The following TATDN2 variants were observed in gnomAD, a reference collection of about 807,000 sequenced individuals.
TATDN2 encodes the protein TatD DNase domain containing 2.
TATDN2 carries 44 observed loss-of-function variants against 60.3 expected under a neutral mutation model. That is an observed-to-expected ratio of 0.73 (90% CI 0.57 to 0.94). TATDN2 has a LOEUF of 0.94. TATDN2 is among the 40% of genes least tolerant of loss of function. The pLI, the probability that TATDN2 is intolerant of heterozygous loss-of-function variation, is 0.00. For missense variants in TATDN2, 997 were observed against 948.0 expected (o/e 1.05, Z -0.68); for synonymous variants, 399 against 355.8 (o/e 1.12, Z -1.37).
In TATDN2 at chr3:10,260,405, A is replaced by AAGGACCAGCCAAGACTGC. The variant is rs1698383812; in HGVS notation, c.686_703dup (p.Gly229_Ala234dup). 3 of 1,613,992 alleles carry AAGGACCAGCCAAGACTGC rather than the reference A, an allele frequency of 1.9e-6. No homozygotes were observed. The highest frequency in any genetic ancestry group is 2.5e-6 in the Non-Finnish European group (3 of 1,179,956). ...CATGGAGAAGGACCAGCCAGGAGTG[A>AAGGACCAGCCAAGACTGC]AGGACCAGCCAAGACTGCAGAAGGA... On this transcript the variant is annotated inframe_insertion, in exon 3 of 8. Transcript: ENST00000448281.
chr3:10,269,571 C>T (rs766649355), intron 3 of TATDN2, among the ~76,000 whole-genome samples: 4 of 151,946 alleles, frequency 2.6e-5, no homozygotes, highest in Non-Finnish European at 4.4e-5. Flanking sequence ...TGTGGTGGTG[C>T]GTGCCTGTAG....
At chr3:10,250,436 G>T (rs1698205576) in intron 2 of TATDN2, among the ~76,000 whole-genome samples, 1 of 152,008 alleles carries the variant, frequency 6.6e-6, no homozygotes, top group African/African-American at 2.4e-5. Context: ...GAAGGTCTGA[G>T]TCTTAAGAAG....
At chr3:10,267,656 ATTG>A (rs1559462794) in intron 3 of TATDN2, among the ~76,000 whole-genome samples, 1 of 152,170 alleles carries the variant, frequency 6.6e-6, no homozygotes, top group African/African-American at 2.4e-5. Context: ...GAATCTGTGT[ATTG>A]TTCTTGGAAA....
intron 2 of TATDN2, among the ~76,000 whole-genome samples, chr3:10,250,168 GT>G (rs34201858): frequency 0.49 from 68,259 of 138,006 alleles, 17,405 homozygotes; most frequent in East Asian, 0.93. Context: ...GGTGGTGCTA[GT>G]TTTTTTTTTT....
chr3:10,273,514 T>C lies in TATDN2; in HGVS notation c.1833+2499T>C, dbSNP rs142142654. Among the ~76,000 whole-genome samples, 66 of 151,846 alleles carry C rather than the reference T, an allele frequency of 4.3e-4. No individual in the cohort carries two copies. The East Asian group carries it at 0.012, about 29-fold the overall frequency. ...GCTCACGCCTGTAATCCCAACACTT[T>C]GGGAGTCTGAGGCAGGAGATTGCTT... On this transcript the variant is annotated intron_variant, in intron 4 of 7. Transcript: ENST00000448281.
chr3:10,273,482 C>T (rs1005783847), intron 4 of TATDN2, among the ~76,000 whole-genome samples: 11 of 151,850 alleles, frequency 7.2e-5, no homozygotes, highest in African/African-American at 2.7e-4. Context: ...GAGGGCTGGG[C>T]GAGGTGGCTC....
At chr3:10,272,329 A>G (rs1698578145) in intron 4 of TATDN2, among the ~76,000 whole-genome samples, 1 of 152,106 alleles carries the variant, frequency 6.6e-6, no homozygotes, top group African/African-American at 2.4e-5. Flanking sequence ...GCTGGAGGGC[A>G]GCGGTACGAT....
intron 3 of TATDN2, among the ~76,000 whole-genome samples, chr3:10,268,329 C>T (rs1037070414): frequency 2.0e-5 from 3 of 152,212 alleles, no homozygotes; most frequent in African/African-American, 7.2e-5. Context: ...GTACAGCCAA[C>T]ATAAACAGTT....
chr3:10,279,020 C>T lies in TATDN2; in HGVS notation c.2281C>T (p.Leu761Phe). The T allele has an allele frequency of 1.2e-6, 2 of 1,614,180 alleles. 1 individual carries two copies. Among genetic ancestry groups the T allele is most frequent in the Middle Eastern group, 3.3e-4 (2 of 6,062 alleles). ...TGAGAACACCAGTCGCCTCTACAGT[C>T]TTTAAGCAGAGAAGGTACAGTCCTC... ...LRENTSRLYSL is the reference protein window; with the variant it reads ...LRENTSRLYSF The change falls in exon 7 of 8, where the codon CTT (leucine) becomes TTT (phenylalanine). Residue 761 changes from leucine to phenylalanine, a missense_variant. Coordinates refer to ENST00000448281, the MANE Select transcript of TATDN2 (RefSeq NM_014760.4).
chr3:10,251,538 A>G (rs1559458499), intron 2 of TATDN2, among the ~76,000 whole-genome samples: 2 of 151,816 alleles, frequency 1.3e-5, no homozygotes, highest in South Asian at 2.1e-4. Context: ...GGTGTGCGCT[A>G]CCGTGCCCAG....
chr3:10,258,524 G>C (rs1219133856), intron 2 of TATDN2, among the ~76,000 whole-genome samples: 1 of 151,664 alleles, frequency 6.6e-6, no homozygotes, highest in African/African-American at 2.4e-5. Flanking sequence ...GGGCTGGAGG[G>C]CAGTGGCACG....
Position 10,276,402 on chromosome 3 carries a change from GC to G in TATDN2, c.1878del (p.Leu627TrpfsTer2), listed in dbSNP as rs1324041250. 1 of 1,613,946 alleles carries G rather than the reference GC, an allele frequency of 6.2e-7. No individual in the cohort carries two copies. The highest frequency in any genetic ancestry group is 1.1e-5 in the South Asian group (1 of 91,074). ...TGCAGCTGGCTGTGTCTCTAAAGAA[GC>G]CCTTGGTGATCCACTGCCGAGAAGC... ...QLQLAVSLKKPLVIHCREADE... is the reference protein window; with the variant it reads ...QLQLAVSLKKXLVIHCREADE... On this transcript the variant is annotated frameshift_variant, in exon 5 of 8. Transcript: ENST00000448281. LOFTEE classifies it high-confidence loss of function.
intron 3 of TATDN2, among the ~76,000 whole-genome samples, chr3:10,267,593 T>TA (rs1033487742): frequency 6.6e-6 from 1 of 152,184 alleles, no homozygotes; most frequent in African/African-American, 2.4e-5. Context: ...TTATTTGTTG[T>TA]AAAAAATGGG....
intron 3 of TATDN2, among the ~76,000 whole-genome samples, chr3:10,267,257 C>T (rs1200029952): frequency 2.1e-5 from 3 of 141,476 alleles, no homozygotes; most frequent in African/African-American, 6.2e-5. Flanking sequence ...CCTCCTATTT[C>T]CCCCACACCC....
chr3:10,278,661 C>T lies in TATDN2; in HGVS notation c.2145+199C>T, dbSNP rs566511735. 2 of 973,910 alleles carry T rather than the reference C, an allele frequency of 2.1e-6. No homozygotes were observed. Among genetic ancestry groups the T allele is most frequent in the South Asian group, 1.4e-5 (1 of 73,502 alleles). 60.3% of individuals were successfully genotyped at this position (973,910 alleles called of 1,614,324 possible). A position where few individuals can be genotyped will look rare whatever the true frequency, so the allele number is the denominator to read the frequency against. ...AAGCTGAAGGGTAACCACTCTCTTC[C>T]AGGCAGTGCAAAGCCCTACCCTGTA... On this transcript the variant is annotated intron_variant, in intron 6 of 7. Transcript: ENST00000448281. This position sits in a 1 kb window ranked among gnomAD's most constrained non-coding sequence, Gnocchi z 4.7.
rs1266662121 is a variant in TATDN2, at chr3:10,278,831, TTA to T, written c.2146-52_2146-51del. 6.2e-7 allele frequency: 1 copy of T among 1,613,228 alleles called. No homozygotes were observed. The highest frequency in any genetic ancestry group is 8.5e-7 in the Non-Finnish European group (1 of 1,179,786). On this transcript the variant is annotated intron_variant, in intron 6 of 7. Coordinates refer to ENST00000448281, the MANE Select transcript of TATDN2 (RefSeq NM_014760.4). The surrounding 1 kb of genome is among the most constrained non-coding windows in gnomAD (Gnocchi z 4.7). Reference sequence around the variant, plus strand: ...GAAGGGACAGGGAGGGAGTTCTAGATTATGACTGTGCACACATGGCACAATGA... The same window carrying T: ...GAAGGGACAGGGAGGGAGTTCTAGATTGACTGTGCACACATGGCACAATGA...
intron 4 of TATDN2, among the ~76,000 whole-genome samples, chr3:10,274,083 GA>G (rs1233295664): frequency 6.6e-6 from 1 of 152,222 alleles, no homozygotes; most frequent in Non-Finnish European, 1.5e-5. Context: ...TATGCAGGTA[GA>G]AGTGAGTAAT....
In TATDN2 at chr3:10,270,982, C is replaced by T. The variant is rs779351140; in HGVS notation, c.1800C>T (p.Tyr600=). The T allele has an allele frequency of 3.7e-6, 6 of 1,607,012 alleles. No individual in the cohort carries two copies. The highest frequency in any genetic ancestry group is 2.2e-5 in the South Asian group (2 of 90,308). ...AFGEMGLDYS[Y]KCTTPVPEQH... ...GAGAAATGGGCTTGGATTACTCTTA[C>T]AAGTGCACCACGCCTGTCCCAGAAC... The change falls in exon 4 of 8, where the codon TAC becomes TAT. Residue 600 remains tyrosine (Y), a synonymous_variant. Coordinates refer to ENST00000448281, the MANE Select transcript of TATDN2 (RefSeq NM_014760.4).
At chr3:10,252,575 T>C (rs534328680) in intron 2 of TATDN2, among the ~76,000 whole-genome samples, 1 of 152,170 alleles carries the variant, frequency 6.6e-6, no homozygotes, top group Non-Finnish European at 1.5e-5. Context: ...TGTGAACTTA[T>C]CTGTCCTGGT....
Sources: allele counts gnomAD v4.1 joint callset (sites outside exome capture counted in the v4.1 genomes callset), GRCh38; gene constraint gnomAD v4.1.1; non-coding constraint Gnocchi (gnomAD v3.1); transcripts MANE v1.5; gene names NCBI Gene and HGNC (gene_info 2026-07-23, HGNC 2026-07-21).